GAN: variants seen among roughly 807,000 people sequenced by gnomAD.
GAN encodes gigaxonin.
Under a neutral mutation model 71.3 loss-of-function variants are expected in GAN, and 48 were observed. The observed-to-expected ratio is 0.67, with a 90% CI of 0.53 to 0.86. GAN has a LOEUF of 0.86. GAN is among the 40% of genes least tolerant of loss of function. GAN has a pLI of 0.00. For synonymous variants in GAN, 386 were observed against 276.8 expected (o/e 1.39, Z -3.92); for missense variants, 928 against 770.1 (o/e 1.21, Z -2.43).
chr16:81,373,147 T>A (rs1286108074), intron 9 of GAN, among the ~76,000 whole-genome samples: 1 of 152,208 alleles, frequency 6.6e-6, no homozygotes, highest in Non-Finnish European at 1.5e-5. Flanking sequence ...AAAAATGGTG[T>A]TCTTCAGGAA....
intron 1 of GAN, among the ~76,000 whole-genome samples, chr16:81,329,240 A>G (rs1206011633): frequency 6.6e-6 from 1 of 151,166 alleles, no homozygotes; most frequent in Non-Finnish European, 1.5e-5. Flanking sequence ...CATCTTTTCC[A>G]GTGCCTGGCG....
chr16:81,373,897 C>T (rs760167267), intron 9 of GAN, among the ~76,000 whole-genome samples: 1 of 152,162 alleles, frequency 6.6e-6, no homozygotes, highest in African/African-American at 2.4e-5. Context: ...CACGTGCCAC[C>T]ATGCCCAGCT....
chr16:81,315,027 G>A lies in GAN; in HGVS notation c.-87G>A. 8.9e-7 allele frequency: 1 copy of A among 1,124,566 alleles called. No individual in the cohort carries two copies. Among genetic ancestry groups the A allele is most frequent in the Non-Finnish European group, 1.2e-6 (1 of 859,080 alleles). The allele number at this position is 1,124,566 out of a possible 1,614,324, so 69.7% of individuals were successfully genotyped here. The stretch of plus-strand genomic sequence containing the variant: ...AGAGCGCGGAGAGCCGGGCCGGGCG[G>A]GCGCGCGCGCAGGACTCGGGCCGCT... On this transcript the variant is annotated 5_prime_UTR_variant, in exon 1 of 11. Coordinates refer to ENST00000648994, the MANE Select transcript of GAN (RefSeq NM_022041.4).
At chr16:81,350,189 T>G (rs961084835) in intron 1 of GAN, among the ~76,000 whole-genome samples, 1 of 152,036 alleles carries the variant, frequency 6.6e-6, no homozygotes, top group African/African-American at 2.4e-5. Context: ...GGACAGTTAG[T>G]GAAAAATGAA....
At chr16:81,352,005 G>T (rs1045556288) in intron 2 of GAN, among the ~76,000 whole-genome samples, 2 of 152,108 alleles carry the variant, frequency 1.3e-5, no homozygotes, top group African/African-American at 2.4e-5. Context: ...TGTGTTTTTG[G>T]TTTTTGCTTT....
At chr16:81,338,320 A>G (rs939867047) in intron 1 of GAN, among the ~76,000 whole-genome samples, 1 of 152,214 alleles carries the variant, frequency 6.6e-6, no homozygotes, top group African/African-American at 2.4e-5. Context: ...ATTTACATGT[A>G]TGATCCTGTA....
intron 1 of GAN, among the ~76,000 whole-genome samples, chr16:81,335,805 GA>G (rs1331585149): frequency 6.6e-6 from 1 of 151,554 alleles, no homozygotes; most frequent in East Asian, 1.9e-4. Context: ...TCTGTGTGAG[GA>G]AAAAAGTTTT....
intron 1 of GAN, among the ~76,000 whole-genome samples, chr16:81,316,097 A>G (rs994342598): frequency 6.6e-6 from 1 of 152,186 alleles, no homozygotes; most frequent in Non-Finnish European, 1.5e-5. Context: ...GGTTAATTAA[A>G]AGGTTGATAA....
At chr16:81,347,543 T>G (rs527903094) in intron 1 of GAN, among the ~76,000 whole-genome samples, 12 of 152,288 alleles carry the variant, frequency 7.9e-5, no homozygotes, top group East Asian at 7.7e-4. Context: ...TTTGTTTTTT[T>G]GGGGCACATT....
At chr16:81,355,468 G>A (rs111316297) in intron 3 of GAN, among the ~76,000 whole-genome samples, 2 of 152,138 alleles carry the variant, frequency 1.3e-5, no homozygotes, top group South Asian at 2.1e-4. Context: ...TGGCTGAAGT[G>A]ATCTTCCCAC....
intron 1 of GAN, among the ~76,000 whole-genome samples, chr16:81,318,557 C>T (rs1348327981): frequency 6.6e-6 from 1 of 152,112 alleles, no homozygotes; most frequent in Non-Finnish European, 1.5e-5. Flanking sequence ...TTACTATGTG[C>T]CCAACAAAGG....
chr16:81,357,844 T>C lies in GAN; in HGVS notation c.886T>C (p.Cys296Arg), dbSNP rs1910542305. The C allele has an allele frequency of 6.2e-7, 1 of 1,613,190 alleles. No individual in the cohort carries two copies. The highest frequency in any genetic ancestry group is 8.5e-7 in the Non-Finnish European group (1 of 1,179,214). ...RKPTAAMRCM[C>R]PLYDPNRQLW... ...ACCCACAGCAGCGATGCGATGCATG[T>C]GCCCTCTCTATGACCCTAACAGGCA... is the stretch of plus-strand genomic sequence containing the variant. Residue 296 changes from cysteine to arginine, a missense_variant, in exon 5 of 11, where the codon TGC becomes CGC. Physicochemically the swap from Cys to Arg is radical, Grantham distance 180 (BLOSUM62 -3). Transcript: ENST00000648994.
At chr16:81,366,645 T>G (rs1910866117) in intron 9 of GAN, among the ~76,000 whole-genome samples, 1 of 152,232 alleles carries the variant, frequency 6.6e-6, no homozygotes, top group Non-Finnish European at 1.5e-5. Context: ...TATTTTAAAT[T>G]TAGGGTATTT....
chr16:81,365,728 T>C (rs1261653447), intron 9 of GAN, among the ~76,000 whole-genome samples: 1 of 151,686 alleles, frequency 6.6e-6, no homozygotes, highest in African/African-American at 2.4e-5. Flanking sequence ...ATTTATTGGC[T>C]CCCTATAGCT....
At chr16:81,376,359 G>A (rs1179582934) in intron 9 of GAN, among the ~76,000 whole-genome samples, 3 of 151,928 alleles carry the variant, frequency 2.0e-5, no homozygotes, top group Non-Finnish European at 2.9e-5. Flanking sequence ...TGTGGCTTAC[G>A]CCTGTTATAC....
chr16:81,358,516 G>T (rs1910566020), intron 5 of GAN, among the ~76,000 whole-genome samples: 1 of 151,924 alleles, frequency 6.6e-6, no homozygotes, highest in Non-Finnish European at 1.5e-5. Flanking sequence ...GGCTGAGGTG[G>T]GAGAATCTCT....
At chr16:81,322,968 G>T (rs1597388425) in intron 1 of GAN, among the ~76,000 whole-genome samples, 1 of 152,280 alleles carries the variant, frequency 6.6e-6, no homozygotes, top group South Asian at 2.1e-4. Context: ...GATTTTGAAG[G>T]ACAATGAAAA....
chr16:81,366,112 A>G (rs142175685), intron 9 of GAN, among the ~76,000 whole-genome samples: 211 of 152,298 alleles, frequency 1.4e-3, no homozygotes, highest in Middle Eastern at 3.4e-3. Flanking sequence ...ATCAAAACCT[A>G]GAGAAAGCCT....
chr16:81,368,039 TTGTTTTTAAGTA>T (rs1343776697), intron 9 of GAN, among the ~76,000 whole-genome samples: 27 of 152,210 alleles, frequency 1.8e-4, no homozygotes, highest in African/African-American at 6.5e-4. Flanking sequence ...ACCATGTCGA[TTGTTTTTAAGTA>T]ATCTCTTGTC....
Sources: allele counts gnomAD v4.1 joint callset (sites outside exome capture counted in the v4.1 genomes callset), GRCh38; gene constraint gnomAD v4.1.1; transcripts MANE v1.5; gene names NCBI Gene and HGNC (gene_info 2026-07-23, HGNC 2026-07-21).